CNTN4: variants seen among roughly 807,000 people sequenced by gnomAD.
CNTN4 encodes the protein contactin 4, also known as contactin-4.
Under a neutral mutation model 122.5 loss-of-function variants are expected in CNTN4, and 77 were observed. The ratio of observed to expected loss-of-function variants is 0.63; its 90% CI spans 0.52 to 0.76. CNTN4 has a LOEUF of 0.76. CNTN4 is among the 30% of genes least tolerant of loss of function. The probability of loss-of-function intolerance (pLI) is 0.00; values close to 1 mark genes in which losing one functional copy is unlikely to be tolerated. For missense variants in CNTN4, 1,256 were observed against 1,259.1 expected, an observed-to-expected ratio of 1.00 and a Z score of 0.04; for synonymous variants, 512 against 447.0, an observed-to-expected ratio of 1.15 and a Z score of -1.83.
intron 2 of CNTN4, among the ~76,000 whole-genome samples, chr3:2,123,447 C>CA (rs1354767688): frequency 6.6e-6 from 1 of 152,102 alleles, no homozygotes; most frequent in Non-Finnish European, 1.5e-5. Flanking sequence ...AGTATCCAGG[C>CA]AAATTTAGGC....
chr3:2,205,418 C>A (rs1201893720), intron 2 of CNTN4, among the ~76,000 whole-genome samples: 1 of 151,172 alleles, frequency 6.6e-6, no homozygotes. Flanking sequence ...TAATTTTATA[C>A]TTCTTTGAAT....
At chr3:2,363,707 C>G (rs931421542) in intron 3 of CNTN4, among the ~76,000 whole-genome samples, 1 of 152,278 alleles carries the variant, frequency 6.6e-6, no homozygotes, top group South Asian at 2.1e-4. Flanking sequence ...AGTCTAACAT[C>G]TTTCCTCCTT....
chr3:2,691,148 G>A (rs1315659981), intron 4 of CNTN4, among the ~76,000 whole-genome samples: 2 of 151,976 alleles, frequency 1.3e-5, no homozygotes, highest in African/African-American at 4.8e-5. Context: ...CAGTTACCCC[G>A]GCATATCTCA....
chr3:2,831,406 T>C (rs1012197938), intron 7 of CNTN4, among the ~76,000 whole-genome samples: 6 of 152,200 alleles, frequency 3.9e-5, no homozygotes, highest in African/African-American at 1.4e-4. Context: ...TGAAGCATAA[T>C]AGTTTTACAG....
chr3:3,009,853 G>C (rs1347842593), intron 14 of CNTN4, among the ~76,000 whole-genome samples: 1 of 152,212 alleles, frequency 6.6e-6, no homozygotes, highest in Non-Finnish European at 1.5e-5. Context: ...ATGTGAAGCC[G>C]TGAACATGTA....
At chr3:2,314,465 G>A (rs533298912) in intron 2 of CNTN4, among the ~76,000 whole-genome samples, 18 of 151,892 alleles carry the variant, frequency 1.2e-4, no homozygotes, top group Admixed American at 9.2e-4. Flanking sequence ...TTGGCATTTC[G>A]GTGAAGCTGT....
intron 7 of CNTN4, among the ~76,000 whole-genome samples, chr3:2,857,002 G>A (rs1171158823): frequency 6.6e-6 from 1 of 152,144 alleles, no homozygotes; most frequent in African/African-American, 2.4e-5. Context: ...CAAAAGAGCA[G>A]GATGTTCTTA....
Position 2,494,509 on chromosome 3 carries a change from T to C in CNTN4, c.-88-76907T>C, listed in dbSNP as rs540044667. On this transcript the variant is annotated intron_variant, in intron 3 of 24. Transcript: ENST00000418658. ...GAAGCCAAGGTTCTTGTTATGTAGA[T>C]GAAGCTTCCAGGTAGCAAGCTGCAG... 7.8e-4 allele frequency among the ~76,000 whole-genome samples: 119 copies of C among 152,250 alleles called. No individual in the cohort carries two copies. The South Asian group carries it at 0.011, about 14-fold the overall frequency.
Position 3,033,429 on chromosome 3 carries a change from G to A in CNTN4, c.1784-1203G>A, listed in dbSNP as rs1193201611. Reference sequence around the variant, plus strand: ...AAGGAAAGGGAATTTAGGGCATCACGTAAACGGTGAAGGAGTGAATCCTAG... The same window carrying A: ...AAGGAAAGGGAATTTAGGGCATCACATAAACGGTGAAGGAGTGAATCCTAG... On this transcript the variant is annotated intron_variant, in intron 16 of 24. Coordinates refer to ENST00000418658, the MANE Select transcript of CNTN4 (RefSeq NM_175607.3). Among the ~76,000 whole-genome samples, 5 of 152,224 alleles carry A rather than the reference G, an allele frequency of 3.3e-5. No individual in the cohort carries two copies. The East Asian group carries it at 9.6e-4, about 29-fold the overall frequency.
At chr3:2,428,110 C>T (rs1047963993) in intron 3 of CNTN4, among the ~76,000 whole-genome samples, 2 of 152,156 alleles carry the variant, frequency 1.3e-5, no homozygotes, top group African/African-American at 4.8e-5. Context: ...TTGATCCTGT[C>T]ATTATGATGT....
chr3:2,891,206 G>A (rs2094036024), intron 10 of CNTN4, among the ~76,000 whole-genome samples: 1 of 152,276 alleles, frequency 6.6e-6, no homozygotes, highest in South Asian at 2.1e-4. Context: ...GCTTATGCCT[G>A]TAATCCCAGC....
intron 4 of CNTN4, among the ~76,000 whole-genome samples, chr3:2,639,634 G>A (rs559481021): frequency 1.3e-5 from 2 of 152,252 alleles, no homozygotes; most frequent in South Asian, 2.1e-4. Context: ...ATAGTGCCTG[G>A]CACACAGCAG....
intron 2 of CNTN4, among the ~76,000 whole-genome samples, chr3:2,201,091 C>G (rs144425294): frequency 2.0e-5 from 3 of 152,170 alleles, no homozygotes; most frequent in Non-Finnish European, 4.4e-5. Context: ...AGCAAAGGCA[C>G]GAATAGAGTA....
chr3:2,811,475 ATTTG>A (rs1194996838), intron 6 of CNTN4, among the ~76,000 whole-genome samples: 9 of 146,202 alleles, frequency 6.2e-5, no homozygotes, highest in Admixed American at 2.1e-4. Flanking sequence ...TTATTTATTT[ATTTG>A]AGGCAGAGTC....
At chr3:2,492,455 G>A (rs17786951) in intron 3 of CNTN4, among the ~76,000 whole-genome samples, 3,701 of 152,206 alleles carry the variant, frequency 0.024, 51 homozygotes, top group South Asian at 0.037. Context: ...TCAGGTCTGC[G>A]AGGCCTCATT....
chr3:2,910,366 C>T (rs1354522007), intron 12 of CNTN4, among the ~76,000 whole-genome samples: 3 of 152,190 alleles, frequency 2.0e-5, no homozygotes, highest in South Asian at 2.1e-4. Context: ...TCTGAATCTT[C>T]TGTAAAACTG....
intron 12 of CNTN4, among the ~76,000 whole-genome samples, chr3:2,908,676 T>A (rs1170343861): frequency 3.3e-5 from 5 of 152,220 alleles, no homozygotes; most frequent in African/African-American, 1.2e-4. Flanking sequence ...GTTCCAGAAG[T>A]GGTGGGGGTC....
chr3:2,180,693 C>T (rs1161827645), intron 2 of CNTN4, among the ~76,000 whole-genome samples: 3 of 152,074 alleles, frequency 2.0e-5, no homozygotes, highest in African/African-American at 7.2e-5. Context: ...CATAAATCAT[C>T]TTCCACTGGC....
At chr3:2,851,544 C>T (rs763754187) in intron 7 of CNTN4, among the ~76,000 whole-genome samples, 16 of 152,244 alleles carry the variant, frequency 1.1e-4, no homozygotes, top group Non-Finnish European at 1.5e-5. Context: ...GTAGTGGAGT[C>T]TATTTGCAAT....
Sources: allele counts gnomAD v4.1 joint callset (sites outside exome capture counted in the v4.1 genomes callset), GRCh38; gene constraint gnomAD v4.1.1; transcripts MANE v1.5; gene names NCBI Gene and HGNC (gene_info 2026-07-23, HGNC 2026-07-21).